The following ARHGEF18 variants were observed in gnomAD, a reference collection of about 807,000 sequenced individuals.
ARHGEF18 encodes rho guanine nucleotide exchange factor 18.
Under a neutral mutation model 155.7 loss-of-function variants are expected in ARHGEF18, and 93 were observed. The observed-to-expected ratio is 0.60, with a 90% confidence interval of 0.50 to 0.71. The LOEUF (loss-of-function observed/expected upper bound fraction) is 0.71. ARHGEF18 is among the 30% of genes least tolerant of loss of function. The probability of loss-of-function intolerance (pLI) is 0.00; values close to 1 mark genes in which losing one functional copy is unlikely to be tolerated. For missense variants in ARHGEF18, 1,593 were observed against 1,816.1 expected (o/e 0.88, Z 2.23); for synonymous variants, 742 against 753.1 (o/e 0.99, Z 0.24).
At chr19:7,417,822 G>C (rs1417328590) in intron 10 of ARHGEF18, among the ~76,000 whole-genome samples, 2 of 152,208 alleles carry the variant, frequency 1.3e-5, no homozygotes, top group Non-Finnish European at 2.9e-5. Flanking sequence ...CAGGAGAGTG[G>C]GAGAGTGAAG....
At chr19:7,461,359 G>A (rs1976245457) in intron 20 of ARHGEF18, among the ~76,000 whole-genome samples, 1 of 152,026 alleles carries the variant, frequency 6.6e-6, no homozygotes, top group South Asian at 2.1e-4. Flanking sequence ...GACCAGCCTG[G>A]CCAAGATGGC....
downstream of ARHGEF18, among the ~76,000 whole-genome samples, chr19:7,475,799 T>G (rs1977216093): frequency 6.6e-6 from 1 of 152,188 alleles, no homozygotes; most frequent in South Asian, 2.1e-4. Context: ...TAGTTGGGTC[T>G]CCAGGTAGAC....
intron 7 of ARHGEF18, 144 bp from the exon 8 acceptor site, chr19:7,380,773 T>C: frequency 2.4e-6 from 1 of 419,852 alleles, no homozygotes; most frequent in Non-Finnish European, 4.1e-6. Context: ...CCTGTCATAA[T>C]GTCTCATATA....
Position 7,440,630 on chromosome 19 carries a change from C to T in ARHGEF18, c.1106+148C>T, listed in dbSNP as rs1428035132. On this transcript the variant is annotated intron_variant, in intron 11 of 28. Coordinates refer to ENST00000668164, the MANE Select transcript of ARHGEF18 (RefSeq NM_001367823.1). The surrounding 1 kb of genome is among the most constrained non-coding windows in gnomAD (Gnocchi z 5.4). ...CTAAGCAGAGAAATTCCCATTAACG[C>T]TTGCTTCCAGGATCCACGCCTTTTT... 1 of 1,166,328 alleles carries T rather than the reference C, an allele frequency of 8.6e-7. No homozygotes were observed. The highest frequency in any genetic ancestry group is 1.2e-6 in the Non-Finnish European group (1 of 854,544). The allele number at this position is 1,166,328 out of a possible 1,614,324, so 72.2% of individuals were successfully genotyped here.
rs1568264358 is a variant in ARHGEF18, at chr19:7,362,016, GGAGA to G, written c.-110-764_-110-761del. ...GGAAGAAGAAGAAGAAGAAGAAGAA[GGAGA>G]AGGAGAAGGAGAAGGAGAAGGAGAA... On this transcript the variant is annotated intron_variant, in intron 1 of 28. Coordinates refer to ENST00000668164, the MANE Select transcript of ARHGEF18 (RefSeq NM_001367823.1). Among the ~76,000 whole-genome samples, 329 of 36,586 alleles carry G rather than the reference GGAGA, an allele frequency of 9.0e-3. 4 individuals are homozygous for G. Among genetic ancestry groups the G allele is most frequent in the Non-Finnish European group, 0.012 (220 of 18,616 alleles). 24.0% of individuals were successfully genotyped at this position (36,586 alleles called of 152,430 possible). A position where few individuals can be genotyped will look rare whatever the true frequency, so the allele number is the denominator to read the frequency against.
chr19:7,372,375 C>G (rs1298986817), intron 2 of ARHGEF18, among the ~76,000 whole-genome samples: 1 of 149,460 alleles, frequency 6.7e-6, no homozygotes, highest in African/African-American at 2.5e-5. Flanking sequence ...CCTGGCTGGA[C>G]AGAATGACAA....
chr19:7,355,680 T>C (rs1969271490), intron 1 of ARHGEF18: 3 of 985,486 alleles, frequency 3.0e-6, no homozygotes, highest in Non-Finnish European at 3.6e-6. Flanking sequence ...AAGCTGTGGC[T>C]GAAGCGGTGG....
intron 10 of ARHGEF18, among the ~76,000 whole-genome samples, chr19:7,435,626 A>C (rs1336409825): frequency 6.6e-6 from 1 of 152,092 alleles, no homozygotes; most frequent in Non-Finnish European, 1.5e-5. Context: ...CAGACCCTTT[A>C]CTGTCTCTAG....
At chr19:7,438,303 G>T (rs756373825) in intron 10 of ARHGEF18, among the ~76,000 whole-genome samples, 1 of 150,794 alleles carries the variant, frequency 6.6e-6, no homozygotes, top group Non-Finnish European at 1.5e-5. Flanking sequence ...GTCTTGCTAT[G>T]TTTCCCAGGC....
At chr19:7,354,308 G>A (rs547567370) in intron 1 of ARHGEF18, among the ~76,000 whole-genome samples, 44 of 151,934 alleles carry the variant, frequency 2.9e-4, no homozygotes, top group African/African-American at 1.1e-3. Context: ...GTGAGATCCT[G>A]TCTCAAAAAT....
At chr19:7,476,103 G>A (rs531064261), downstream of ARHGEF18, among the ~76,000 whole-genome samples, 2 of 152,338 alleles carry the variant, frequency 1.3e-5, no homozygotes, top group East Asian at 1.9e-4. Context: ...TTGAAGCCAG[G>A]AGTTCAAGAC....
intron 15 of ARHGEF18, among the ~76,000 whole-genome samples, chr19:7,448,389 C>T (rs1304173287): frequency 6.6e-6 from 1 of 152,156 alleles, no homozygotes; most frequent in African/African-American, 2.4e-5. Flanking sequence ...AGGCCGGGCA[C>T]AGTGGCTCAT....
Position 7,469,898 on chromosome 19 carries a change from T to G in ARHGEF18, c.3788-6T>G, listed in dbSNP as rs1217577798. On this transcript the variant is annotated splice_polypyrimidine_tract_variant and splice_region_variant and intron_variant, in intron 27 of 28. Coordinates refer to ENST00000668164, the MANE Select transcript of ARHGEF18 (RefSeq NM_001367823.1). ...GGAGCTGGCCCAAATACCTTCTCTC[T>G]TCCAGCGTCCTTCGACCTGAAGCAG... 1.2e-6 allele frequency: 2 copies of G among 1,612,626 alleles called. No homozygotes were observed. Among genetic ancestry groups the G allele is most frequent in the East Asian group, 4.5e-5 (2 of 44,862 alleles).
intron 3 of ARHGEF18, among the ~76,000 whole-genome samples, chr19:7,374,940 C>T (rs1970365228): frequency 6.6e-6 from 1 of 152,118 alleles, no homozygotes. Context: ...TCTAGCCACC[C>T]CTAACCCGTG....
intron 15 of ARHGEF18, among the ~76,000 whole-genome samples, chr19:7,449,349 G>C (rs566143777): frequency 6.6e-6 from 1 of 152,006 alleles, no homozygotes; most frequent in Non-Finnish European, 1.5e-5. Flanking sequence ...CAAGGCAGGC[G>C]GATCACTTGA....
At chr19:7,456,229 G>A in intron 17 of ARHGEF18, 98 bp from the exon 18 acceptor site, 2 of 1,078,600 alleles carry the variant, frequency 1.9e-6, no homozygotes, top group South Asian at 2.5e-5. Flanking sequence ...GCATCATGCT[G>A]CTTACACCTT....
At chr19:7,352,497 A>G (rs1255298272) in intron 1 of ARHGEF18, among the ~76,000 whole-genome samples, 3 of 145,352 alleles carry the variant, frequency 2.1e-5, no homozygotes, top group African/African-American at 2.5e-5. Flanking sequence ...AGGGAAAAGC[A>G]TTACATTATG....
intron 27 of ARHGEF18, among the ~76,000 whole-genome samples, chr19:7,469,514 C>T (rs536980099): frequency 3.3e-5 from 5 of 152,262 alleles, no homozygotes; most frequent in Admixed American, 2.6e-4. Flanking sequence ...GAGTGGGACA[C>T]GGAGCCCAGA....
chr19:7,453,852 T>C, intron 17 of ARHGEF18, 137 bp downstream of exon 17: 1 of 1,208,860 alleles, frequency 8.3e-7, no homozygotes, highest in Non-Finnish European at 1.1e-6. Context: ...GTGGTCACCA[T>C]CTTGGATTGG....
Sources: allele counts gnomAD v4.1 joint callset (sites outside exome capture counted in the v4.1 genomes callset), GRCh38; gene constraint gnomAD v4.1.1; non-coding constraint Gnocchi (gnomAD v3.1); transcripts MANE v1.5; gene names NCBI Gene and HGNC (gene_info 2026-07-23, HGNC 2026-07-21).